Variants in DCLK1 observed in about 807,000 individuals in gnomAD.
DCLK1 encodes the protein doublecortin like kinase 1, also known as serine/threonine-protein kinase DCLK1.
Under a neutral mutation model 86.2 loss-of-function variants are expected in DCLK1, and 16 were observed. The ratio of observed to expected loss-of-function variants is 0.19; its 90% CI spans 0.13 to 0.28. DCLK1 has a LOEUF of 0.28. DCLK1 is among the 10% of genes least tolerant of loss of function. The pLI is 1.00. For missense variants in DCLK1, 590 were observed against 940.2 expected (o/e 0.63, Z 4.87); for synonymous variants, 369 against 370.5 (o/e 1.00, Z 0.05).
At chr13:36,070,485 T>G (rs1345434061) in intron 3 of DCLK1, among the ~76,000 whole-genome samples, 1 of 152,212 alleles carries the variant, frequency 6.6e-6, no homozygotes, top group Non-Finnish European at 1.5e-5. Context: ...GGTTAGATAT[T>G]TATCAAACAA....
At chr13:36,037,224 T>A (rs1184986957) in intron 3 of DCLK1, among the ~76,000 whole-genome samples, 1 of 151,964 alleles carries the variant, frequency 6.6e-6, no homozygotes, top group Non-Finnish European at 1.5e-5. Flanking sequence ...AATAGAACTG[T>A]GGTTACCAGA....
At chr13:35,806,784 G>A (rs576046764) in intron 14 of DCLK1, among the ~76,000 whole-genome samples, 5 of 152,286 alleles carry the variant, frequency 3.3e-5, no homozygotes, top group South Asian at 4.1e-4. Flanking sequence ...GTGATGGCAT[G>A]GGGAGCTGGA....
intron 2 of DCLK1, among the ~76,000 whole-genome samples, chr13:36,116,025 C>T (rs1338468883): frequency 2.0e-5 from 3 of 151,836 alleles, no homozygotes; most frequent in Non-Finnish European, 4.4e-5. Context: ...TCTCAGCTCA[C>T]TGCAACCTCT....
chr13:36,088,283 G>C (rs1194286681), intron 3 of DCLK1, among the ~76,000 whole-genome samples: 1 of 152,202 alleles, frequency 6.6e-6, no homozygotes, highest in Non-Finnish European at 1.5e-5. Context: ...CTCTGCAGCT[G>C]AAGAGGAGGC....
chr13:36,090,719 G>A (rs375180897), intron 3 of DCLK1, among the ~76,000 whole-genome samples: 21 of 152,248 alleles, frequency 1.4e-4, no homozygotes, highest in African/African-American at 4.8e-4. Flanking sequence ...TGGGCAGATC[G>A]GAGGAGCCAC....
chr13:35,964,750 T>C (rs761139968), intron 3 of DCLK1, among the ~76,000 whole-genome samples: 1 of 146,242 alleles, frequency 6.8e-6, no homozygotes. Context: ...GCCCTTGAGC[T>C]AAGAATGGTT....
At chr13:35,888,499 G>C (rs908898651) in intron 4 of DCLK1, among the ~76,000 whole-genome samples, 18 of 151,542 alleles carry the variant, frequency 1.2e-4, no homozygotes, top group African/African-American at 4.1e-4. Flanking sequence ...GGTCAAATGT[G>C]GCTTGAAATG....
chr13:35,865,280 T>C lies in DCLK1; in HGVS notation c.940+5944A>G, dbSNP rs141894228. Reference sequence around the variant, plus strand: ...ATTAATGAATTTTACTTTTAACTTATACATTTTACTAGATCTGTGTTCCAA... The same window carrying C: ...ATTAATGAATTTTACTTTTAACTTACACATTTTACTAGATCTGTGTTCCAA... On this transcript the variant is annotated intron_variant, in intron 5 of 16. Coordinates refer to ENST00000360631, the MANE Select transcript of DCLK1 (RefSeq NM_001330071.2). Among the ~76,000 whole-genome samples, 922 of 152,192 alleles carry C rather than the reference T, an allele frequency of 6.1e-3. 11 individuals are homozygous for C. Among genetic ancestry groups the C allele is most frequent in the Non-Finnish European group, 5.6e-3 (378 of 67,970 alleles).
chr13:36,063,356 G>A (rs1049254792), intron 3 of DCLK1, among the ~76,000 whole-genome samples: 1 of 152,058 alleles, frequency 6.6e-6, no homozygotes, highest in Non-Finnish European at 1.5e-5. Context: ...GAGAGAACGT[G>A]GGAACTTCTT....
chr13:35,956,118 G>A (rs1457676563), intron 3 of DCLK1, among the ~76,000 whole-genome samples: 1 of 152,082 alleles, frequency 6.6e-6, no homozygotes, highest in East Asian at 1.9e-4. Context: ...GGAATTAAAG[G>A]ATAGTCCAAG....
chr13:35,868,263 C>T (rs1284619163), intron 5 of DCLK1, among the ~76,000 whole-genome samples: 6 of 151,986 alleles, frequency 3.9e-5, no homozygotes, highest in South Asian at 2.1e-4. Flanking sequence ...CCTCATGATC[C>T]GCCTGCCTCA....
chr13:35,833,260 A>G lies in DCLK1; in HGVS notation c.1229+2773T>C, dbSNP rs1010914741. On this transcript the variant is annotated intron_variant, in intron 8 of 16. Transcript: ENST00000360631. Reference sequence around the variant, plus strand: ...ACCGGGGGCACCATCCCTGCTCATGACTATATCACCCCAACCCTTGGCTCG... The same window carrying G: ...ACCGGGGGCACCATCCCTGCTCATGGCTATATCACCCCAACCCTTGGCTCG... 3.9e-5 allele frequency among the ~76,000 whole-genome samples: 6 copies of G among 152,244 alleles called. 1 individual carries two copies. The highest frequency in any genetic ancestry group is 1.2e-4 in the African/African-American group (5 of 41,562).
intron 3 of DCLK1, among the ~76,000 whole-genome samples, chr13:36,073,847 C>G (rs909082944): frequency 6.6e-6 from 1 of 152,146 alleles, no homozygotes; most frequent in Admixed American, 6.5e-5. Flanking sequence ...TGGACCATGA[C>G]CACAGACAGA....
chr13:35,783,672 C>A (rs1404993032), intron 16 of DCLK1, among the ~76,000 whole-genome samples: 1 of 150,838 alleles, frequency 6.6e-6, no homozygotes, highest in Admixed American at 6.6e-5. Context: ...TGCATTTCCG[C>A]CTCCCGGGCC....
intron 3 of DCLK1, among the ~76,000 whole-genome samples, chr13:35,986,419 C>G (rs1014820199): frequency 9.3e-5 from 14 of 151,096 alleles, no homozygotes; most frequent in Non-Finnish European, 1.8e-4. Flanking sequence ...CCCTAGCAAG[C>G]GAACTCCCAG....
At chr13:35,851,222 T>G (rs1870607979) in intron 6 of DCLK1, among the ~76,000 whole-genome samples, 2 of 152,344 alleles carry the variant, frequency 1.3e-5, no homozygotes, top group South Asian at 2.1e-4. Context: ...AATGTTGTAG[T>G]TGCATGTGGC....
At chr13:35,809,117 G>C in intron 12 of DCLK1, 22 bp from the exon 13 acceptor site, 1 of 1,600,612 alleles carries the variant, frequency 6.2e-7, no homozygotes, top group Non-Finnish European at 8.5e-7. Flanking sequence ...AGGGATGTTA[G>C]AGTTAGGAGG....
intron 3 of DCLK1, among the ~76,000 whole-genome samples, chr13:36,080,398 A>G (rs1035429719): frequency 6.6e-6 from 1 of 152,156 alleles, no homozygotes; most frequent in Non-Finnish European, 1.5e-5. Flanking sequence ...GGAATTAGGG[A>G]CTCAATAAAG....
intron 15 of DCLK1, among the ~76,000 whole-genome samples, chr13:35,794,444 A>G (rs766513819): frequency 6.6e-6 from 1 of 152,218 alleles, no homozygotes; most frequent in Admixed American, 6.5e-5. Flanking sequence ...TTTTGCAGGT[A>G]ATTTCTTGGT....
Sources: gnomAD v4.1 joint callset for allele counts (sites outside exome capture counted in the v4.1 genomes callset) on GRCh38, gnomAD v4.1.1 for gene constraint, MANE v1.5 for transcripts, NCBI Gene and HGNC (gene_info 2026-07-23, HGNC 2026-07-21) for gene names.